ADAMTSL3: variants seen among roughly 807,000 people sequenced by gnomAD.
ADAMTSL3 encodes the protein ADAMTS like 3, also known as ADAMTS-like protein 3.
A neutral mutation model predicts 201.7 loss-of-function variants in ADAMTSL3; 128 were observed. The ratio of observed to expected loss-of-function variants is 0.63; its 90% CI spans 0.55 to 0.73. ADAMTSL3 has a LOEUF of 0.73. ADAMTSL3 is among the 30% of genes least tolerant of loss of function. The pLI, the probability that ADAMTSL3 is intolerant of heterozygous loss-of-function variation, is 0.00. For missense variants in ADAMTSL3, 1,990 were observed against 2,119.6 expected (o/e 0.94, Z 1.20); for synonymous variants, 738 against 748.4 (o/e 0.99, Z 0.23).
chr15:83,704,760 A>G (rs2061824420), intron 3 of ADAMTSL3, among the ~76,000 whole-genome samples: 1 of 152,224 alleles, frequency 6.6e-6, no homozygotes, highest in Non-Finnish European at 1.5e-5. Flanking sequence ...GAAATATATG[A>G]TGGATTTGTT....
At chr15:83,974,590 C>T (rs11638355) in intron 20 of ADAMTSL3, among the ~76,000 whole-genome samples, 3,281 of 152,146 alleles carry the variant, frequency 0.022, 49 homozygotes, top group Middle Eastern at 0.051. Context: ...TCTGTTTTGT[C>T]TTTTTCTATA....
At chr15:83,866,258 G>T (rs2064973245) in intron 8 of ADAMTSL3, among the ~76,000 whole-genome samples, 1 of 152,084 alleles carries the variant, frequency 6.6e-6, no homozygotes, top group African/African-American at 2.4e-5. Flanking sequence ...CCCATTACTG[G>T]GTATATACCC....
At chr15:83,874,887 A>G (rs2065150049) in intron 9 of ADAMTSL3, among the ~76,000 whole-genome samples, 1 of 145,724 alleles carries the variant, frequency 6.9e-6, no homozygotes, top group African/African-American at 2.6e-5. Flanking sequence ...TGTGAACAAG[A>G]CGATGTGATC....
intron 8 of ADAMTSL3, among the ~76,000 whole-genome samples, chr15:83,866,195 GT>G (rs973164127): frequency 6.6e-6 from 1 of 152,244 alleles, no homozygotes; most frequent in African/African-American, 2.4e-5. Context: ...GTGGAAGACA[GT>G]GTGGTGATTC....
chr15:83,719,295 T>G (rs1439033245), intron 3 of ADAMTSL3, among the ~76,000 whole-genome samples: 1 of 152,202 alleles, frequency 6.6e-6, no homozygotes, highest in Non-Finnish European at 1.5e-5. Context: ...ACAATTCAAT[T>G]TCTTCAACAA....
At chr15:83,891,952 T>A (rs1472765529) in intron 12 of ADAMTSL3, among the ~76,000 whole-genome samples, 2 of 152,214 alleles carry the variant, frequency 1.3e-5, no homozygotes, top group Non-Finnish European at 2.9e-5. Flanking sequence ...TGGTGGCACA[T>A]GCCTGTAATC....
intron 16 of ADAMTSL3, among the ~76,000 whole-genome samples, chr15:83,914,715 C>T (rs2065997129): frequency 6.6e-6 from 1 of 152,200 alleles, no homozygotes; most frequent in African/African-American, 2.4e-5. Context: ...GCATCTCTTC[C>T]CTCCACAGCA....
rs750289383 is a variant in ADAMTSL3 at position 83,913,120 on chromosome 15, A to G, written c.1729A>G (p.Ser577Gly). The G allele has an allele frequency of 1.2e-6, 2 of 1,613,986 alleles. No individual in the cohort carries two copies. Among genetic ancestry groups the G allele is most frequent in the East Asian group, 2.2e-5 (1 of 44,892 alleles). Residue 577 changes from serine (S) to glycine (G), a missense_variant, in exon 16 of 30, where the codon AGT becomes GGT. By Grantham distance (56) the Ser-to-Gly change is moderately conservative (BLOSUM62 0). Transcript: ENST00000286744. ...CATTCCAGAACCCTGGTCAGCCTGC[A>G]GTACCACGTGTGGGCCGGGTGTGCA... is the stretch of plus-strand genomic sequence containing the variant. Reference protein sequence around the residue: ...TFIPEPWSACSTTCGPGVQVR... With the variant: ...TFIPEPWSACGTTCGPGVQVR...
At chr15:83,806,130 C>G (rs1422304455) in intron 5 of ADAMTSL3, among the ~76,000 whole-genome samples, 2 of 13,190 alleles carry the variant, frequency 1.5e-4, no homozygotes, top group African/African-American at 9.1e-4. Flanking sequence ...AACCACTGAT[C>G]TTTCCATCCC....
At chr15:83,686,417 A>G (rs1388218680) in intron 2 of ADAMTSL3, among the ~76,000 whole-genome samples, 1 of 152,226 alleles carries the variant, frequency 6.6e-6, no homozygotes, top group Admixed American at 6.5e-5. Flanking sequence ...AATGGAAGAA[A>G]TGGAAGAAAC....
intron 8 of ADAMTSL3, among the ~76,000 whole-genome samples, chr15:83,860,391 G>C (rs951064365): frequency 6.6e-6 from 1 of 152,170 alleles, no homozygotes; most frequent in Non-Finnish European, 1.5e-5. Context: ...GTCCCTGAAG[G>C]CTGACACTGT....
At chr15:83,689,114 C>T (rs1393058374) in intron 2 of ADAMTSL3, among the ~76,000 whole-genome samples, 1 of 152,316 alleles carries the variant, frequency 6.6e-6, no homozygotes, top group Non-Finnish European at 1.5e-5. Flanking sequence ...TGAGCCACTG[C>T]ACCTGGCCTA....
intron 10 of ADAMTSL3, among the ~76,000 whole-genome samples, chr15:83,886,601 T>C (rs2065396207): frequency 6.6e-6 from 1 of 152,116 alleles, no homozygotes; most frequent in Non-Finnish European, 1.5e-5. Context: ...CAGATCAGGG[T>C]ATACAGGCTC....
chr15:83,678,913 A>G (rs2061442754), intron 2 of ADAMTSL3, among the ~76,000 whole-genome samples: 1 of 147,900 alleles, frequency 6.8e-6, no homozygotes, highest in Non-Finnish European at 1.5e-5. Flanking sequence ...AAAAGGAAAT[A>G]TATATTTTAT....
intron 27 of ADAMTSL3, among the ~76,000 whole-genome samples, chr15:84,029,039 C>T (rs1004519978): frequency 6.6e-6 from 1 of 152,162 alleles, no homozygotes; most frequent in Non-Finnish European, 1.5e-5. Context: ...AACCTCTTTC[C>T]TTTGTAAATT....
chr15:83,799,756 A>C (rs1350951472), intron 4 of ADAMTSL3, among the ~76,000 whole-genome samples: 1 of 152,204 alleles, frequency 6.6e-6, no homozygotes, highest in Non-Finnish European at 1.5e-5. Context: ...AAAATACATA[A>C]TTGTGAAATG....
chr15:84,012,895 A>T (rs1448232851), intron 23 of ADAMTSL3, among the ~76,000 whole-genome samples: 1 of 152,250 alleles, frequency 6.6e-6, no homozygotes, highest in African/African-American at 2.4e-5. Context: ...TTCCTTTCAC[A>T]GACGACACAG....
intron 9 of ADAMTSL3, among the ~76,000 whole-genome samples, chr15:83,872,148 G>A (rs979542942): frequency 1.3e-5 from 2 of 152,052 alleles, no homozygotes; most frequent in Non-Finnish European, 2.9e-5. Context: ...TAAAAATCAA[G>A]AGATTTTTAC....
At chr15:83,866,964 A>G (rs1391284429) in intron 8 of ADAMTSL3, among the ~76,000 whole-genome samples, 3 of 152,206 alleles carry the variant, frequency 2.0e-5, no homozygotes, top group Non-Finnish European at 4.4e-5. Flanking sequence ...TGGCAGTAGA[A>G]GTATTTCTGA....
Sources: allele counts gnomAD v4.1 joint callset (sites outside exome capture counted in the v4.1 genomes callset), GRCh38; gene constraint gnomAD v4.1.1; transcripts MANE v1.5; gene names NCBI Gene and HGNC (gene_info 2026-07-23, HGNC 2026-07-21).